NELL1: variants seen among roughly 807,000 people sequenced by gnomAD.
The protein encoded by NELL1 is protein kinase C-binding protein NELL1.
A neutral mutation model predicts 107.4 loss-of-function variants in NELL1; 76 were observed. The observed-to-expected ratio is 0.71, with a 90% CI of 0.59 to 0.86. NELL1 has a LOEUF of 0.86. NELL1 is among the 40% of genes least tolerant of loss of function. NELL1 has a pLI of 0.00. For missense variants in NELL1, 1,024 were observed against 1,005.5 expected, an observed-to-expected ratio of 1.02 and a Z score of -0.25; for synonymous variants, 353 against 341.2, an observed-to-expected ratio of 1.03 and a Z score of -0.38.
At chr11:21,419,347 A>G (rs1013994962) in intron 15 of NELL1, among the ~76,000 whole-genome samples, 5 of 152,134 alleles carry the variant, frequency 3.3e-5, no homozygotes, top group Non-Finnish European at 7.3e-5. Flanking sequence ...AAAAAATTCT[A>G]TCAACTGTTT....
intron 15 of NELL1, among the ~76,000 whole-genome samples, chr11:21,517,473 C>T (rs527316391): frequency 2.0e-5 from 3 of 152,116 alleles, no homozygotes; most frequent in South Asian, 2.1e-4. Flanking sequence ...AGAACATGTA[C>T]GCTCTCTAGT....
At chr11:21,129,584 T>C (rs954679017) in intron 13 of NELL1, among the ~76,000 whole-genome samples, 3 of 152,014 alleles carry the variant, frequency 2.0e-5, no homozygotes, top group African/African-American at 4.8e-5. Context: ...TTTAAAAAGG[T>C]AGGAAATTCT....
chr11:20,865,105 G>A (rs1849070629), intron 4 of NELL1, among the ~76,000 whole-genome samples: 1 of 152,206 alleles, frequency 6.6e-6, no homozygotes, highest in Non-Finnish European at 1.5e-5. Context: ...TGGAGTTAGA[G>A]CTATGCAGCA....
intron 12 of NELL1, among the ~76,000 whole-genome samples, chr11:21,001,767 G>C (rs749503826): frequency 6.6e-6 from 1 of 151,674 alleles, no homozygotes; most frequent in African/African-American, 2.4e-5. Flanking sequence ...GGTGGATTCT[G>C]TCTTCCTCTT....
intron 2 of NELL1, among the ~76,000 whole-genome samples, chr11:20,694,113 C>T (rs1590210683): frequency 6.6e-6 from 1 of 152,132 alleles, no homozygotes; most frequent in Admixed American, 6.6e-5. Flanking sequence ...ACATAGTTCT[C>T]AAGCCTTGGC....
chr11:20,959,256 T>C (rs981226906), intron 11 of NELL1, among the ~76,000 whole-genome samples: 2 of 152,172 alleles, frequency 1.3e-5, no homozygotes, highest in African/African-American at 4.8e-5. Flanking sequence ...GAAAACAGTG[T>C]GGAGATTCCT....
intron 16 of NELL1, among the ~76,000 whole-genome samples, chr11:21,541,448 T>C (rs1856290420): frequency 6.6e-6 from 1 of 152,118 alleles, no homozygotes; most frequent in African/African-American, 2.4e-5. Context: ...ATCTGGTGGA[T>C]GTGTCAGGAA....
intron 12 of NELL1, among the ~76,000 whole-genome samples, chr11:21,111,122 T>A (rs1465421217): frequency 6.6e-6 from 1 of 152,114 alleles, no homozygotes; most frequent in Non-Finnish European, 1.5e-5. Context: ...GAACCATCAC[T>A]ACCAGAGAGA....
At chr11:20,876,864 C>T (rs1009842744) in intron 4 of NELL1, among the ~76,000 whole-genome samples, 2 of 152,164 alleles carry the variant, frequency 1.3e-5, no homozygotes, top group Non-Finnish European at 2.9e-5. Context: ...CTTTGAGGAC[C>T]TGCTCTGAAG....
intron 15 of NELL1, among the ~76,000 whole-genome samples, chr11:21,506,253 G>A (rs915226538): frequency 2.6e-5 from 4 of 152,092 alleles, no homozygotes; most frequent in African/African-American, 4.8e-5. Context: ...TAAGACAACC[G>A]ATCTTGGTGA....
chr11:20,977,553 T>C (rs1013690805), intron 12 of NELL1, among the ~76,000 whole-genome samples: 1 of 152,214 alleles, frequency 6.6e-6, no homozygotes, highest in Non-Finnish European at 1.5e-5. Context: ...CGTGAGCCAC[T>C]GCACCCGGCT....
intron 12 of NELL1, among the ~76,000 whole-genome samples, chr11:20,965,950 A>G (rs1411661055): frequency 6.6e-6 from 1 of 152,216 alleles, no homozygotes; most frequent in East Asian, 1.9e-4. Flanking sequence ...TTACTTAATT[A>G]CACTTCTAAT....
rs987496657 is a variant in NELL1, at chr11:21,276,534, T to C, written c.1549+47080T>C. Among the ~76,000 whole-genome samples the C allele has an allele frequency of 9.9e-5, 15 of 152,184 alleles. No individual in the cohort carries two copies. In the East Asian group the frequency reaches 2.3e-3, roughly 23 times the overall value. ...GCTACCAATGACTTTCTTCACAGAA[T>C]TGGAAAAAACTACTTTAAAGTTCAT... On this transcript the variant is annotated intron_variant, in intron 14 of 19. Coordinates refer to ENST00000357134, the MANE Select transcript of NELL1 (RefSeq NM_006157.5).
intron 14 of NELL1, among the ~76,000 whole-genome samples, chr11:21,356,553 G>A (rs938257245): frequency 3.9e-5 from 6 of 152,118 alleles, no homozygotes; most frequent in East Asian, 1.9e-4. Context: ...TGTCCTCCGC[G>A]CAAACACTGT....
At chr11:21,017,288 A>C (rs1418670952) in intron 12 of NELL1, among the ~76,000 whole-genome samples, 1 of 152,130 alleles carries the variant, frequency 6.6e-6, no homozygotes, top group Non-Finnish European at 1.5e-5. Context: ...CTTGAGAATG[A>C]CTTGTTTGCT....
intron 2 of NELL1, among the ~76,000 whole-genome samples, chr11:20,684,499 T>C (rs1209346946): frequency 6.6e-6 from 1 of 152,158 alleles, no homozygotes; most frequent in Non-Finnish European, 1.5e-5. Flanking sequence ...TCTTTGAATA[T>C]ATGAATACAG....
intron 2 of NELL1, among the ~76,000 whole-genome samples, chr11:20,773,793 C>T (rs757526907): frequency 3.3e-5 from 5 of 152,006 alleles, no homozygotes; most frequent in Non-Finnish European, 4.4e-5. Context: ...CCACCACGCC[C>T]GGCTTGAAAC....
At chr11:21,350,359 A>ATCT (rs1294653041) in intron 14 of NELL1, among the ~76,000 whole-genome samples, 1 of 128,896 alleles carries the variant, frequency 7.8e-6, no homozygotes, top group African/African-American at 2.8e-5. Flanking sequence ...ACTGAGCAAG[A>ATCT]TCTTTTTAAA....
chr11:21,334,200 A>G (rs776319247), intron 14 of NELL1, among the ~76,000 whole-genome samples: 12 of 152,030 alleles, frequency 7.9e-5, no homozygotes, highest in Non-Finnish European at 1.5e-4. Context: ...GAACATAGGT[A>G]TAATGAATGC....
Sources: gnomAD v4.1 joint callset for allele counts (sites outside exome capture counted in the v4.1 genomes callset) on GRCh38, gnomAD v4.1.1 for gene constraint, MANE v1.5 for transcripts, NCBI Gene and HGNC (gene_info 2026-07-23, HGNC 2026-07-21) for gene names.